The following TMEM132C variants were observed in gnomAD, a reference collection of about 807,000 sequenced individuals.
TMEM132C encodes transmembrane protein 132C.
In TMEM132C, 29 loss-of-function variants were observed where a neutral mutation model predicts 61.4. The observed-to-expected ratio is 0.47, with a 90% CI of 0.35 to 0.64. The LOEUF (loss-of-function observed/expected upper bound fraction) is 0.64, where lower values mean the gene tolerates loss of function less well. Among genes scored for constraint, TMEM132C ranks in the 30% least tolerant of loss-of-function variants. The probability of loss-of-function intolerance (pLI) is 0.00; values close to 1 mark genes in which losing one functional copy is unlikely to be tolerated. For synonymous variants in TMEM132C, 656 were observed against 633.1 expected, an observed-to-expected ratio of 1.04 and a Z score of -0.54; for missense variants, 1,408 against 1,476.9, an observed-to-expected ratio of 0.95 and a Z score of 0.76.
chr12:128,300,057 C>A (rs1295349431), intron 1 of TMEM132C, among the ~76,000 whole-genome samples: 1 of 152,196 alleles, frequency 6.6e-6, no homozygotes, highest in Non-Finnish European at 1.5e-5. Flanking sequence ...CAGGTAAGAG[C>A]AAGAGTAAAC....
At chr12:128,489,634 C>G (rs1871641563) in intron 2 of TMEM132C, among the ~76,000 whole-genome samples, 1 of 149,660 alleles carries the variant, frequency 6.7e-6, no homozygotes, top group Non-Finnish European at 1.5e-5. Context: ...TAGGTCTGAT[C>G]ATGCTACTCC....
chr12:128,451,420 TTC>T (rs1870171113), intron 2 of TMEM132C, among the ~76,000 whole-genome samples: 14 of 152,266 alleles, frequency 9.2e-5, no homozygotes, highest in Admixed American at 3.9e-4. Context: ...ATTGATCCTC[TTC>T]ATCCTTTTTA....
intron 1 of TMEM132C, among the ~76,000 whole-genome samples, chr12:128,371,515 C>T (rs1415176387): frequency 6.6e-6 from 1 of 152,142 alleles, no homozygotes; most frequent in African/African-American, 2.4e-5. Flanking sequence ...GTTGAGGCTT[C>T]CAACTGCTGG....
rs181237793 is a variant in TMEM132C at position 128,320,796 on chromosome 12, A to G, written c.85+53309A>G. Among the ~76,000 whole-genome samples the G allele has an allele frequency of 9.4e-5, 14 of 148,810 alleles. No homozygotes were observed. In the East Asian group the frequency reaches 2.5e-3, roughly 27 times the overall value. On this transcript the variant is annotated intron_variant, in intron 1 of 8. Coordinates refer to ENST00000435159, the MANE Select transcript of TMEM132C (RefSeq NM_001136103.3). ...CCCTGTCTCAAAAATGAAACAAAAA[A>G]AGGTGAAGATAAATACAAAAAAAAA...
intron 4 of TMEM132C, among the ~76,000 whole-genome samples, chr12:128,649,019 A>G (rs572479726): frequency 6.6e-6 from 1 of 151,238 alleles, no homozygotes; most frequent in African/African-American, 2.5e-5. Context: ...ACTGGAGTCC[A>G]TCAGCATTGG....
intron 2 of TMEM132C, among the ~76,000 whole-genome samples, chr12:128,432,761 C>T (rs942510656): frequency 6.6e-6 from 1 of 152,188 alleles, no homozygotes; most frequent in African/African-American, 2.4e-5. Context: ...TTAGTTAAAA[C>T]AGCAGGAGGT....
chr12:128,421,426 G>T (rs1868984681), intron 2 of TMEM132C, among the ~76,000 whole-genome samples: 1 of 152,224 alleles, frequency 6.6e-6, no homozygotes, highest in South Asian at 2.1e-4. Flanking sequence ...TGGAGGACAT[G>T]CAGGGAGACC....
Position 128,697,290 on chromosome 12 carries a change from T to A in TMEM132C, c.1996T>A (p.Ser666Thr). ...AATAACCGTGCTAGATGACAAAGTATCGGTGACAGACTTGGCCATCCAGCT... is the reference window on the plus strand; with the variant it reads ...AATAACCGTGCTAGATGACAAAGTAACGGTGACAGACTTGGCCATCCAGCT... The part of the protein sequence containing the change: ...KTITVLDDKV[S>T]VTDLAIQLVA... The change falls in exon 8 of 9, where the codon TCG becomes ACG. Residue 666 changes from serine (S) to threonine (T), a missense_variant. By Grantham distance (58) the Ser-to-Thr change is moderately conservative. Transcript: ENST00000435159. The A allele has an allele frequency of 6.5e-7, 1 of 1,550,246 alleles. No individual in the cohort carries two copies. The highest frequency in any genetic ancestry group is 8.7e-7 in the Non-Finnish European group (1 of 1,145,814).
At chr12:128,528,216 C>T (rs140294041) in intron 2 of TMEM132C, among the ~76,000 whole-genome samples, 1 of 152,316 alleles carries the variant, frequency 6.6e-6, no homozygotes, top group African/African-American at 2.4e-5. Flanking sequence ...CCTCCAGACT[C>T]AGATCACTAG....
At chr12:128,665,929 G>A (rs867936733) in intron 4 of TMEM132C, among the ~76,000 whole-genome samples, 16 of 99,404 alleles carry the variant, frequency 1.6e-4, no homozygotes, top group Middle Eastern at 0.022. Context: ...ACATTCACAG[G>A]GACTCATACA....
At chr12:128,271,264 TAATATAATAATAATAATA>T (rs1401157791) in intron 1 of TMEM132C, among the ~76,000 whole-genome samples, 3 of 92,500 alleles carry the variant, frequency 3.2e-5, no homozygotes, top group Non-Finnish European at 6.3e-5. Context: ...AAAATAATAA[TAATATAATAATAATAATA>T]ATAATAATAA....
At chr12:128,542,674 G>A (rs779763926) in intron 2 of TMEM132C, among the ~76,000 whole-genome samples, 7 of 151,754 alleles carry the variant, frequency 4.6e-5, no homozygotes, top group Non-Finnish European at 8.8e-5. Context: ...ATCCTGGCCA[G>A]CATGGTGAAA....
intron 2 of TMEM132C, among the ~76,000 whole-genome samples, chr12:128,451,779 CA>C (rs746720192): frequency 1.1e-4 from 17 of 152,164 alleles, no homozygotes; most frequent in Non-Finnish European, 2.2e-4. Context: ...TTTATTCACT[CA>C]TTCCTTTAGT....
chr12:128,334,520 A>G (rs1001202085), intron 1 of TMEM132C, among the ~76,000 whole-genome samples: 2 of 152,146 alleles, frequency 1.3e-5, no homozygotes, highest in Non-Finnish European at 2.9e-5. Context: ...AATCTTTTTT[A>G]TCTCTTAAAA....
At chr12:128,663,224 C>T (rs367839915) in intron 4 of TMEM132C, among the ~76,000 whole-genome samples, 19 of 152,354 alleles carry the variant, frequency 1.2e-4, no homozygotes, top group African/African-American at 3.8e-4. Flanking sequence ...AAGGAGACGT[C>T]GTACCCATTA....
chr12:128,696,186 G>A lies in TMEM132C; in HGVS notation c.1929+83G>A, dbSNP rs1455245669. 33 of 1,475,224 alleles carry A rather than the reference G, an allele frequency of 2.2e-5. No individual in the cohort carries two copies. The Admixed American group carries it at 7.2e-4, about 32-fold the overall frequency. 91.4% of individuals were successfully genotyped at this position (1,475,224 alleles called of 1,614,324 possible). On this transcript the variant is annotated intron_variant, in intron 7 of 8. Coordinates refer to ENST00000435159, the MANE Select transcript of TMEM132C (RefSeq NM_001136103.3). ...AGAGTCAATGGGTGGGCAGATCACT[G>A]TGGCCGATTCCCCAACCCATGTGTA...
At chr12:128,499,900 C>A (rs550637070) in intron 2 of TMEM132C, among the ~76,000 whole-genome samples, 37 of 152,092 alleles carry the variant, frequency 2.4e-4, no homozygotes, top group Non-Finnish European at 4.7e-4. Context: ...TGGATATATA[C>A]CCAGTAGTGG....
At chr12:128,656,231 A>G (rs987315279) in intron 4 of TMEM132C, among the ~76,000 whole-genome samples, 1 of 152,116 alleles carries the variant, frequency 6.6e-6, no homozygotes, top group East Asian at 1.9e-4. Context: ...TTATATTTTT[A>G]GTAGAGACAG....
At chr12:128,454,091 T>A (rs1304812417) in intron 2 of TMEM132C, among the ~76,000 whole-genome samples, 1 of 152,132 alleles carries the variant, frequency 6.6e-6, no homozygotes, top group Non-Finnish European at 1.5e-5. Flanking sequence ...CCCATCTAGG[T>A]CCACAAGGAT....
Sources: gnomAD v4.1 joint callset for allele counts (sites outside exome capture counted in the v4.1 genomes callset) on GRCh38, gnomAD v4.1.1 for gene constraint, MANE v1.5 for transcripts, NCBI Gene and HGNC (gene_info 2026-07-23, HGNC 2026-07-21) for gene names.